The following ANO1 variants were observed in gnomAD, a reference collection of about 807,000 sequenced individuals.
ANO1 encodes anoctamin 1.
In ANO1, 59 loss-of-function variants were observed where a neutral mutation model predicts 124.0. That is an observed-to-expected ratio of 0.48 (90% CI 0.39 to 0.59). The LOEUF (loss-of-function observed/expected upper bound fraction) is 0.59, where lower values mean the gene tolerates loss of function less well. ANO1 is among the 20% of genes least tolerant of loss of function. The pLI is 0.00. For missense variants in ANO1, 1,059 were observed against 1,328.0 expected (o/e 0.80, Z 3.15); for synonymous variants, 529 against 532.0 (o/e 0.99, Z 0.08).
chr11:69,968,047 A>C, the ANO1 span, among the ~76,000 whole-genome samples: 1 of 152,178 alleles, frequency 6.6e-6, no homozygotes, highest in Non-Finnish European at 1.5e-5. Context: ...AGGGGTGGGC[A>C]GGGAGACTTT....
chr11:70,134,513 C>G (rs528810484), intron 11 of ANO1, among the ~76,000 whole-genome samples: 1 of 152,348 alleles, frequency 6.6e-6, no homozygotes, highest in Non-Finnish European at 1.5e-5. Context: ...GACATGAACT[C>G]TCAGCCGAGG....
chr11:70,103,928 C>T (rs2045382299), intron 3 of ANO1, 71 bp from the exon 4 acceptor site: 5 of 1,524,686 alleles, frequency 3.3e-6, no homozygotes, highest in Non-Finnish European at 4.4e-6. Flanking sequence ...CTCTGACCAT[C>T]CGAGAACAGA....
chr11:70,080,972 C>T (rs367692408), intron 1 of ANO1, among the ~76,000 whole-genome samples: 4 of 152,330 alleles, frequency 2.6e-5, no homozygotes, highest in Admixed American at 2.0e-4. Context: ...AGTCACCCAA[C>T]GAAGGCGGCT....
At chr11:70,187,412 C>T (rs2049176341) in intron 25 of ANO1, among the ~76,000 whole-genome samples, 1 of 152,166 alleles carries the variant, frequency 6.6e-6, no homozygotes, top group South Asian at 2.1e-4. Context: ...TGTTTTTCCC[C>T]AAAGGCTCGA....
chr11:69,997,411 G>C (rs1454604802), intron 1 of ANO1, among the ~76,000 whole-genome samples: 1 of 152,190 alleles, frequency 6.6e-6, no homozygotes, highest in African/African-American at 2.4e-5. Flanking sequence ...GGCAGGAAGG[G>C]AGCATGCCAG....
At chr11:69,978,964 C>G in the ANO1 span, among the ~76,000 whole-genome samples, 1 of 152,160 alleles carries the variant, frequency 6.6e-6, no homozygotes, top group East Asian at 1.9e-4. Flanking sequence ...GCTGTGTTTT[C>G]TTTGATCATA....
At chr11:70,124,626 G>A (rs776268660) in intron 9 of ANO1, among the ~76,000 whole-genome samples, 9 of 152,192 alleles carry the variant, frequency 5.9e-5, no homozygotes, top group South Asian at 2.1e-4. Flanking sequence ...CCTGGAGGTC[G>A]GGCCCTTTTC....
chr11:70,186,838 T>C (rs546805022), intron 25 of ANO1, among the ~76,000 whole-genome samples: 5 of 152,202 alleles, frequency 3.3e-5, no homozygotes, highest in Non-Finnish European at 5.9e-5. Context: ...CTAAGCTCAG[T>C]GGCCCCATCC....
In ANO1 at chr11:70,078,596, A is replaced by G. The variant is rs761380760; in HGVS notation, c.-11A>G. 4.8e-6 allele frequency: 7 copies of G among 1,467,866 alleles called. No homozygotes were observed. In the African/African-American group the frequency reaches 7.5e-5, roughly 16 times the overall value. 90.9% of individuals were successfully genotyped at this position (1,467,866 alleles called of 1,614,324 possible). ...GCGCCGCCCGGCGGTCCCAGCGCAC[A>G]GGCGGCCACGATGAGGGTCAACGAG... is the stretch of plus-strand genomic sequence containing the variant. On this transcript the variant is annotated 5_prime_UTR_variant, in exon 1 of 26. Transcript: ENST00000355303.
Position 69,986,585 on chromosome 11 carries a change from T to C in ANO1, c.58+419T>C, listed in dbSNP as rs528309329. On this transcript the variant is annotated intron_variant, in intron 1 of 27. Coordinates refer to the ANO1 transcript ENST00000531349. ...AGGCGCTATTAATACACATAATATT[T>C]CCGTGCTATTCTGGAGATTTATTTG... is the stretch of plus-strand genomic sequence containing the variant. 8.0e-4 allele frequency among the ~76,000 whole-genome samples: 122 copies of C among 152,248 alleles called. 1 individual carries two copies. The Middle Eastern group carries it at 0.024, about 30-fold the overall frequency.
chr11:69,971,622 TCCTCACTGGCTG>T, the ANO1 span, among the ~76,000 whole-genome samples: 2 of 152,212 alleles, frequency 1.3e-5, no homozygotes, highest in African/African-American at 4.8e-5. Context: ...CTCAGACTTT[TCCTCACTGGCTG>T]CCTCCCTGTC....
chr11:70,174,684 C>T (rs1465951191), intron 22 of ANO1, among the ~76,000 whole-genome samples: 1 of 152,104 alleles, frequency 6.6e-6, no homozygotes, highest in Admixed American at 6.5e-5. Context: ...GGCCGAGGCC[C>T]AGGCGGTAAC....
At position 70,087,957 on chromosome 11, in the gene ANO1, G is replaced by C. The variant is rs1333051424; in HGVS notation, c.314G>C (p.Gly105Ala). 3.1e-6 allele frequency: 5 copies of C among 1,594,640 alleles called. No homozygotes were observed. The highest frequency in any genetic ancestry group is 3.4e-6 in the Non-Finnish European group (4 of 1,169,954). The change falls in exon 2 of 26, where the codon GGG becomes GCG. Residue 105 changes from glycine (G) to alanine (A), a missense_variant. Gly to Ala is a moderately conservative substitution (Grantham distance 60, BLOSUM62 0). This residue lies in a region of ANO1 where 250 missense variants were observed against 233.1 expected (regional missense o/e 1.07). Transcript: ENST00000355303. ...CAGGACCACCCCCTGCCGGGCAAGG[G>C]GGCGTCGCTGGATGCAGGCTCGGGG... Reference protein sequence around the residue: ...VKQDHPLPGKGASLDAGSGEP... With the variant: ...VKQDHPLPGKAASLDAGSGEP...
chr11:70,051,632 T>C (rs1306490397), intron 1 of ANO1, among the ~76,000 whole-genome samples: 1 of 152,262 alleles, frequency 6.6e-6, no homozygotes, highest in Non-Finnish European at 1.5e-5. Flanking sequence ...GGTTTTACGC[T>C]GTGTCTTTTG....
intron 11 of ANO1, among the ~76,000 whole-genome samples, chr11:70,141,211 G>A (rs957600395): frequency 6.6e-6 from 1 of 152,178 alleles, no homozygotes; most frequent in Non-Finnish European, 1.5e-5. Context: ...TACTGAGCGC[G>A]CCGTCCCCCA....
intron 1 of ANO1, among the ~76,000 whole-genome samples, chr11:70,051,692 G>A (rs1489604295): frequency 6.6e-6 from 1 of 152,242 alleles, no homozygotes; most frequent in African/African-American, 2.4e-5. Flanking sequence ...ATCATGTGAA[G>A]AGCCTCTTTT....
the ANO1 span, among the ~76,000 whole-genome samples, chr11:69,976,563 G>T: frequency 7.3e-6 from 1 of 136,546 alleles, no homozygotes; most frequent in Non-Finnish European, 1.5e-5. Context: ...AAGAGAGAGA[G>T]AGAGAGATTA....
chr11:69,998,639 A>C (rs943920073), intron 1 of ANO1, among the ~76,000 whole-genome samples: 5 of 152,162 alleles, frequency 3.3e-5, no homozygotes, highest in Admixed American at 6.5e-5. Flanking sequence ...GTATTAGGCC[A>C]TTCTCCCATT....
In ANO1 at chr11:70,161,261, T is replaced by G; in HGVS notation, c.1679T>G (p.Ile560Ser). 6.2e-7 allele frequency: 1 copy of G among 1,613,864 alleles called. No individual in the cohort carries two copies. The highest frequency in any genetic ancestry group is 1.1e-5 in the South Asian group (1 of 91,078). ...MNSSPSVRSN[I>S]RVTVTATAVI... ...TCCTCCCCCTCCGTGCGGTCCAACA[T>G]CCGGGTCACAGTCACAGCCACCGCA... The change falls in exon 17 of 26, where the codon ATC (isoleucine) becomes AGC (serine). Residue 560 changes from isoleucine (I) to serine (S), a missense_variant. Transcript: ENST00000355303.
Sources: gnomAD v4.1 joint callset for allele counts (sites outside exome capture counted in the v4.1 genomes callset) on GRCh38, gnomAD v4.1.1 for gene constraint, gnomAD v4.1.1 regional missense constraint, MANE v1.5 for transcripts, NCBI Gene and HGNC (gene_info 2026-07-23, HGNC 2026-07-21) for gene names.